Variants in CRACD observed in about 807,000 individuals in gnomAD.
CRACD encodes capping protein-inhibiting regulator of actin dynamics.
A neutral mutation model predicts 106.8 loss-of-function variants in CRACD; 56 were observed. That is an observed-to-expected ratio of 0.52 (90% CI 0.42 to 0.66). CRACD has a LOEUF of 0.66. CRACD is among the 30% of genes least tolerant of loss of function. The pLI, the probability that CRACD is intolerant of heterozygous loss-of-function variation, is 0.00. For synonymous variants in CRACD, 754 were observed against 670.8 expected (o/e 1.12, Z -1.92); for missense variants, 1,730 against 1,623.2 (o/e 1.07, Z -1.13).
intron 1 of CRACD, among the ~76,000 whole-genome samples, chr4:56,175,788 T>C (rs946178515): frequency 1.3e-5 from 2 of 152,268 alleles, no homozygotes; most frequent in East Asian, 3.8e-4. Context: ...TTTAGCTCAA[T>C]GTAATCCCAA....
At chr4:56,204,072 C>A (rs1738009030) in intron 2 of CRACD, among the ~76,000 whole-genome samples, 1 of 152,228 alleles carries the variant, frequency 6.6e-6, no homozygotes, top group African/African-American at 2.4e-5. Context: ...ATGTAGCTGG[C>A]ACTTGGTGAA....
chr4:56,192,478 A>G (rs1737422938), intron 2 of CRACD, among the ~76,000 whole-genome samples: 2 of 152,210 alleles, frequency 1.3e-5, no homozygotes, highest in African/African-American at 2.4e-5. Flanking sequence ...TTTCAGCAAC[A>G]TATATCTAAT....
At chr4:56,232,236 T>A (rs1739666218) in intron 2 of CRACD, among the ~76,000 whole-genome samples, 1 of 152,234 alleles carries the variant, frequency 6.6e-6, no homozygotes, top group South Asian at 2.1e-4. Context: ...CTCTTTTTTA[T>A]CTGCCTTTTT....
chr4:56,111,914 C>T (rs1401288637), intron 1 of CRACD, among the ~76,000 whole-genome samples: 2 of 152,164 alleles, frequency 1.3e-5, no homozygotes, highest in Admixed American at 1.3e-4. Flanking sequence ...ATAAAAGTGA[C>T]AGAAGGATGT....
intron 2 of CRACD, among the ~76,000 whole-genome samples, chr4:56,181,068 T>G (rs1438791074): frequency 6.6e-6 from 1 of 152,242 alleles, no homozygotes; most frequent in Non-Finnish European, 1.5e-5. Context: ...TTCACATCAG[T>G]GCATGGAGCT....
At chr4:56,107,230 C>T (rs1464319467) in intron 1 of CRACD, among the ~76,000 whole-genome samples, 4 of 152,134 alleles carry the variant, frequency 2.6e-5, no homozygotes, top group Non-Finnish European at 4.4e-5. Context: ...ATCCTCCTGC[C>T]TCCACCTCCC....
intron 1 of CRACD, among the ~76,000 whole-genome samples, chr4:56,080,178 A>G (rs985888240): frequency 2.0e-5 from 3 of 152,220 alleles, no homozygotes; most frequent in African/African-American, 7.2e-5. Flanking sequence ...GCCTGTCTCT[A>G]AAAGTAAATA....
intron 2 of CRACD, among the ~76,000 whole-genome samples, chr4:56,184,868 G>C (rs931258800): frequency 6.6e-6 from 1 of 152,204 alleles, no homozygotes; most frequent in Admixed American, 6.5e-5. Context: ...TCCTTTAATT[G>C]TAACACTTTT....
At chr4:56,323,242 A>ATGGAGCTG in intron 8 of CRACD, 135 bp from the exon 9 acceptor site, 1 of 680,326 alleles carries the variant, frequency 1.5e-6, no homozygotes, top group Non-Finnish European at 2.4e-6. Context: ...GCATCAGCAC[A>ATGGAGCTG]GAGGTTGTGC....
intron 2 of CRACD, among the ~76,000 whole-genome samples, chr4:56,200,903 G>A (rs1015261894): frequency 2.0e-5 from 3 of 152,020 alleles, no homozygotes; most frequent in Non-Finnish European, 1.5e-5. Context: ...GTATATTCAC[G>A]CAGTTGTCCA....
intron 1 of CRACD, among the ~76,000 whole-genome samples, chr4:56,053,939 C>T (rs531954656): frequency 1.3e-5 from 2 of 152,222 alleles, no homozygotes; most frequent in East Asian, 3.9e-4. Flanking sequence ...CAGATTTCAT[C>T]CTTAGGCTGG....
rs1167140878 is a variant in CRACD at position 56,314,817 on chromosome 4, G to A, written c.1315G>A (p.Glu439Lys). 2 of 1,609,232 alleles carry A rather than the reference G, an allele frequency of 1.2e-6. No individual in the cohort carries two copies. The highest frequency in any genetic ancestry group is 1.7e-6 in the Non-Finnish European group (2 of 1,178,542). ...CGAAGACCAGGAACGCCTGAAACCC[G>A]AAGGACAAAGAGAACACTCCGAGGA... Reference protein sequence around the residue: ...RLEDQERLKPEGQREHSEEPG... With the variant: ...RLEDQERLKPKGQREHSEEPG... The change falls in exon 8 of 11, where the codon GAA (glutamate) becomes AAA (lysine). Residue 439 changes from glutamate to lysine, a missense_variant. By Grantham distance (56) the Glu-to-Lys change is moderately conservative. Coordinates refer to ENST00000682029, the MANE Select transcript of CRACD (RefSeq NM_001393381.1). This position sits in a 1 kb window ranked among gnomAD's most constrained non-coding sequence, Gnocchi z 4.4.
intron 1 of CRACD, among the ~76,000 whole-genome samples, chr4:56,123,540 C>T (rs979791278): frequency 2.0e-5 from 3 of 152,160 alleles, no homozygotes; most frequent in Admixed American, 2.0e-4. Context: ...AATACAGTCA[C>T]GTTGAGGGTT....
chr4:56,059,425 G>T (rs980689833), intron 1 of CRACD, among the ~76,000 whole-genome samples: 1 of 152,170 alleles, frequency 6.6e-6, no homozygotes, highest in African/African-American at 2.4e-5. Context: ...ACAGTGAGCC[G>T]AGATTGTGCC....
chr4:56,324,271 A>G lies in CRACD; in HGVS notation c.3541+5A>G. 1.2e-6 allele frequency: 2 copies of G among 1,610,834 alleles called. No individual in the cohort carries two copies. Among genetic ancestry groups the G allele is most frequent in the Non-Finnish European group, 8.5e-7 (1 of 1,178,284 alleles). Reference sequence around the variant, plus strand: ...CTCTTCCTACGTCTGTGACAGGTAGAGAGCAGGTCCATTGCTTTGTAACTG... The same window carrying G: ...CTCTTCCTACGTCTGTGACAGGTAGGGAGCAGGTCCATTGCTTTGTAACTG... On this transcript the variant is annotated splice_donor_5th_base_variant and intron_variant, in intron 10 of 10. Coordinates refer to ENST00000682029, the MANE Select transcript of CRACD (RefSeq NM_001393381.1).
intron 2 of CRACD, among the ~76,000 whole-genome samples, chr4:56,189,401 T>A (rs550931994): frequency 3.9e-5 from 6 of 152,160 alleles, no homozygotes; most frequent in South Asian, 2.1e-4. Context: ...TTTAAAAAAA[T>A]TTTATTATTA....
chr4:56,141,539 G>A (rs1362516080), intron 1 of CRACD, among the ~76,000 whole-genome samples: 2 of 151,982 alleles, frequency 1.3e-5, no homozygotes, highest in Non-Finnish European at 2.9e-5. Flanking sequence ...CGAGCCTGCA[G>A]TGAGCTGTGA....
intron 1 of CRACD, among the ~76,000 whole-genome samples, chr4:56,091,193 G>A (rs1733413902): frequency 6.6e-6 from 1 of 151,934 alleles, no homozygotes; most frequent in Non-Finnish European, 1.5e-5. Context: ...CTATAGGCAT[G>A]TGTCACCATG....
chr4:56,284,799 C>G (rs1200203791), intron 3 of CRACD, among the ~76,000 whole-genome samples: 1 of 152,166 alleles, frequency 6.6e-6, no homozygotes, highest in Non-Finnish European at 1.5e-5. Context: ...TATTTTCTCT[C>G]TCATTAAAGG....
Sources: allele counts gnomAD v4.1 joint callset (sites outside exome capture counted in the v4.1 genomes callset), GRCh38; gene constraint gnomAD v4.1.1; non-coding constraint Gnocchi (gnomAD v3.1); transcripts MANE v1.5; gene names NCBI Gene and HGNC (gene_info 2026-07-23, HGNC 2026-07-21).